The following CCDC66 variants were observed in gnomAD, a reference collection of about 807,000 sequenced individuals.
The protein encoded by CCDC66 is coiled-coil domain containing 66.
CCDC66 carries 133 observed loss-of-function variants against 128.3 expected under a neutral mutation model. The observed-to-expected ratio is 1.04, with a 90% CI of 0.90 to 1.20. CCDC66 has a LOEUF of 1.20. Among genes scored for constraint, CCDC66 ranks in the 50% most tolerant of loss-of-function variants. The pLI, the probability that CCDC66 is intolerant of heterozygous loss-of-function variation, is 0.00. For synonymous variants in CCDC66, 387 were observed against 357.0 expected, an observed-to-expected ratio of 1.08 and a Z score of -0.95; for missense variants, 1,126 against 1,075.5, an observed-to-expected ratio of 1.05 and a Z score of -0.66.
At chr3:56,616,175 TACAAAA>T in intron 13 of CCDC66, 122 bp downstream of exon 13, 1 of 842,468 alleles carries the variant, frequency 1.2e-6, no homozygotes, top group Non-Finnish European at 1.9e-6. Context: ...CAGTAAGAGT[TACAAAA>T]TAAAGGGATA....
Position 56,619,304 on chromosome 3 carries a change from CAG to C in CCDC66, c.2414_2415del (p.Arg805AsnfsTer16). On this transcript the variant is annotated frameshift_variant, in exon 16 of 18. Coordinates refer to ENST00000394672, the MANE Select transcript of CCDC66 (RefSeq NM_001141947.3). LOFTEE classifies it high-confidence loss of function. Reference sequence around the variant, plus strand: ...CATCACCAGTTCCAGTAGTGAAAAACAGAACCCAACAAACTCAAAATACATTA... The same window carrying C: ...CATCACCAGTTCCAGTAGTGAAAAACAACCCAACAAACTCAAAATACATTA... ...PSSPVPVVKN[R>X]TQQTQNTLHL... 3.7e-6 allele frequency: 6 copies of C among 1,610,436 alleles called. No individual in the cohort carries two copies. Among genetic ancestry groups the C allele is most frequent in the Non-Finnish European group, 5.1e-6 (6 of 1,178,386 alleles).
chr3:56,598,280 C>A (rs2072493073), intron 10 of CCDC66, among the ~76,000 whole-genome samples: 2 of 151,820 alleles, frequency 1.3e-5, no homozygotes, highest in Non-Finnish European at 2.9e-5. Context: ...GCCTCAGCCA[C>A]CCAAGTAGCT....
At chr3:56,573,822 T>C (rs2066972561) in intron 7 of CCDC66, among the ~76,000 whole-genome samples, 1 of 60,770 alleles carries the variant, frequency 1.6e-5, no homozygotes, top group Non-Finnish European at 3.2e-5. Flanking sequence ...TCAAGGCACT[T>C]TGGGGTCCTT....
chr3:56,616,187 G>A, intron 13 of CCDC66, 134 bp downstream of exon 13: 1 of 721,430 alleles, frequency 1.4e-6, no homozygotes, highest in South Asian at 1.6e-5. Flanking sequence ...CAAAATAAAG[G>A]GATAACAGCT....
intron 7 of CCDC66, among the ~76,000 whole-genome samples, chr3:56,583,991 G>A (rs1258450282): frequency 1.5e-4 from 20 of 130,416 alleles, no homozygotes; most frequent in Middle Eastern, 4.1e-3. Flanking sequence ...CCTCCCTCCC[G>A]GACGGGGCGG....
At chr3:56,591,988 A>AT (rs1000820441) in intron 7 of CCDC66, among the ~76,000 whole-genome samples, 1 of 152,162 alleles carries the variant, frequency 6.6e-6, no homozygotes, top group Non-Finnish European at 1.5e-5. Context: ...AGTAGAATAT[A>AT]TTTTTTTCCT....
intron 10 of CCDC66, among the ~76,000 whole-genome samples, chr3:56,596,693 C>T (rs373079734): frequency 1.3e-5 from 2 of 151,386 alleles, no homozygotes; most frequent in South Asian, 2.1e-4. Flanking sequence ...AAGTGTTTTC[C>T]GTATGTTTTC....
intron 3 of CCDC66, among the ~76,000 whole-genome samples, chr3:56,559,848 A>T (rs1055741287): frequency 6.6e-6 from 1 of 152,234 alleles, no homozygotes; most frequent in Non-Finnish European, 1.5e-5. Flanking sequence ...AGTGTTCATT[A>T]ATAAAATCAG....
At position 56,564,038 on chromosome 3, in the gene CCDC66, A is replaced by G. The variant is rs371128265; in HGVS notation, c.457A>G (p.Thr153Ala). Reference protein sequence around the residue: ...ENMKSSLVCLTQDQLQQILMT... With the variant: ...ENMKSSLVCLAQDQLQQILMT... ...CATGAAGAGCAGTTTGGTGTGTCTA[A>G]CACAAGACCAACTACAACAGATTTT... Residue 153 changes from threonine to alanine, a missense_variant, in exon 4 of 18, where the codon ACA (threonine) becomes GCA (alanine). By Grantham distance (58) the Thr-to-Ala change is moderately conservative (BLOSUM62 0). Coordinates refer to ENST00000394672, the MANE Select transcript of CCDC66 (RefSeq NM_001141947.3). The G allele has an allele frequency of 2.2e-5, 35 of 1,613,940 alleles. 1 individual carries two copies. The East Asian group carries it at 6.7e-4, about 31-fold the overall frequency.
intron 7 of CCDC66, among the ~76,000 whole-genome samples, chr3:56,581,184 C>T (rs2068302905): frequency 6.6e-6 from 1 of 151,848 alleles, no homozygotes; most frequent in African/African-American, 2.4e-5. Context: ...ACCCTTTCTT[C>T]CACTTGATCA....
In CCDC66 at chr3:56,607,158, G is replaced by GT. The variant is rs370585778; in HGVS notation, c.1405-6425dup. Among the ~76,000 whole-genome samples the GT allele has an allele frequency of 1.1e-3, 164 of 152,160 alleles. 1 individual carries two copies. Among genetic ancestry groups the GT allele is most frequent in the African/African-American group, 3.9e-3 (160 of 41,524 alleles). ...TTGGTTCCATATGAAGTTTAGAATT[G>GT]TTTTTTCTAACTCTGTGAAGAATGA... On this transcript the variant is annotated intron_variant, in intron 10 of 17. Coordinates refer to ENST00000394672, the MANE Select transcript of CCDC66 (RefSeq NM_001141947.3).
rs1338536115 is a variant in CCDC66 at position 56,615,909 on chromosome 3, TTC to T, written c.1712-9_1712-8del. The T allele has an allele frequency of 4.4e-6, 7 of 1,583,010 alleles. No homozygotes were observed. Among genetic ancestry groups the T allele is most frequent in the African/African-American group, 1.4e-5 (1 of 73,740 alleles). On this transcript the variant is annotated splice_polypyrimidine_tract_variant and intron_variant, in intron 12 of 17. Coordinates refer to ENST00000394672, the MANE Select transcript of CCDC66 (RefSeq NM_001141947.3). Reference sequence around the variant, plus strand: ...CTTAAGTGTTGTTTTATCAGGTGATTTCTCTTTGCCAGTTGATACAATACAAA... The same window carrying T: ...CTTAAGTGTTGTTTTATCAGGTGATTTCTTTGCCAGTTGATACAATACAAA...
intron 4 of CCDC66, among the ~76,000 whole-genome samples, chr3:56,566,107 CTTTGTTTTGTTTTGT>C (rs150674110): frequency 2.0e-5 from 3 of 148,942 alleles, no homozygotes; most frequent in African/African-American, 7.4e-5. Flanking sequence ...CTTCAGTTTC[CTTTGTTTTGTTTTGT>C]TTTGTTTTGT....
At position 56,590,144 on chromosome 3, in the gene CCDC66, A is replaced by T. The variant is rs374104674; in HGVS notation, c.937-2826A>T. On this transcript the variant is annotated intron_variant, in intron 7 of 17. Coordinates refer to ENST00000394672, the MANE Select transcript of CCDC66 (RefSeq NM_001141947.3). The stretch of plus-strand genomic sequence containing the variant: ...TCGGCAGGTGGATGTTGTCATCTTA[A>T]CTGGGGAATCATGAACTGGCAAGAA... 4.7e-4 allele frequency among the ~76,000 whole-genome samples: 71 copies of T among 152,238 alleles called. 1 individual carries two copies. In the East Asian group the frequency reaches 8.1e-3, roughly 17 times the overall value.
At chr3:56,567,462 C>T (rs2066017080) in intron 6 of CCDC66, among the ~76,000 whole-genome samples, 1 of 152,150 alleles carries the variant, frequency 6.6e-6, no homozygotes, top group Non-Finnish European at 1.5e-5. Context: ...CCTTTGCCCT[C>T]TGGAGGTTTT....
Position 56,566,752 on chromosome 3 carries a change from A to G in CCDC66, c.703A>G (p.Ile235Val). 6.2e-7 allele frequency: 1 copy of G among 1,609,750 alleles called. No homozygotes were observed. The highest frequency in any genetic ancestry group is 8.5e-7 in the Non-Finnish European group (1 of 1,177,894). Residue 235 changes from isoleucine (I) to valine (V), a missense_variant, in exon 5 of 18, where the codon ATT becomes GTT. Coordinates refer to ENST00000394672, the MANE Select transcript of CCDC66 (RefSeq NM_001141947.3). ...GACATCTAAACAGTGTGAGCAAAAAATTGCCATGTATGTAACTCCTATCTG... is the reference window on the plus strand; with the variant it reads ...GACATCTAAACAGTGTGAGCAAAAAGTTGCCATGTATGTAACTCCTATCTG... ...QETSKQCEQK[I>V]AIENEWKPAD...
intron 10 of CCDC66, 137 bp downstream of exon 10, chr3:56,594,165 C>T (rs2071431187): frequency 1.3e-6 from 1 of 744,690 alleles, no homozygotes; most frequent in East Asian, 2.7e-5. Flanking sequence ...CGAATCCAAT[C>T]CCTACCACAA....
chr3:56,612,739 T>C (rs950275860), intron 10 of CCDC66, among the ~76,000 whole-genome samples: 2 of 152,158 alleles, frequency 1.3e-5, no homozygotes, highest in African/African-American at 2.4e-5. Flanking sequence ...GGCAGGTTGA[T>C]TGGGCCCATA....
chr3:56,587,740 G>A (rs980232188), intron 7 of CCDC66, among the ~76,000 whole-genome samples: 3 of 152,078 alleles, frequency 2.0e-5, no homozygotes, highest in Non-Finnish European at 4.4e-5. Flanking sequence ...GTGGTAGCAG[G>A]CGCCTGTAAT....
Sources: gnomAD v4.1 joint callset for allele counts (sites outside exome capture counted in the v4.1 genomes callset) on GRCh38, gnomAD v4.1.1 for gene constraint, MANE v1.5 for transcripts, NCBI Gene and HGNC (gene_info 2026-07-23, HGNC 2026-07-21) for gene names.